Variants in ACTR10 observed in about 807,000 individuals in gnomAD.
ACTR10 encodes the protein actin-related protein 10.
ACTR10 carries 43 observed loss-of-function variants against 56.2 expected under a neutral mutation model. That is an observed-to-expected ratio of 0.77 (90% CI 0.60 to 0.99). ACTR10 has a LOEUF of 0.99. Ranked by LOEUF, ACTR10 falls within the 50% of genes least tolerant of loss-of-function variation. The pLI, the probability that ACTR10 is intolerant of heterozygous loss-of-function variation, is 0.00. For synonymous variants in ACTR10, 170 were observed against 176.3 expected, an observed-to-expected ratio of 0.96 and a Z score of 0.28; for missense variants, 466 against 507.8, an observed-to-expected ratio of 0.92 and a Z score of 0.79.
At position 58,230,404 on chromosome 14, in the gene ACTR10, C is replaced by G; in HGVS notation, c.794C>G (p.Ser265Ter). 1 of 1,576,436 alleles carries G rather than the reference C, an allele frequency of 6.3e-7. No homozygotes were observed. The highest frequency in any genetic ancestry group is 8.6e-7 in the Non-Finnish European group (1 of 1,161,506). ...ILHILGSIRD[S>*]VVEILFEQDN... is the part of the protein sequence containing the mutation. ...TCTTTTTCAAATCCCATTAGAGATT[C>G]AGTTGTGGAAATTCTTTTTGAACAA... The change falls in exon 11 of 13, where the codon TCA (serine) becomes TGA (stop). Residue 265 changes from serine to a stop codon, truncating the protein, a stop_gained. Coordinates refer to ENST00000254286, the MANE Select transcript of ACTR10 (RefSeq NM_018477.3). LOFTEE classifies it high-confidence loss of function.
rs527714860 is a variant in ACTR10, at chr14:58,234,818, C to CTTTT, written c.*285_*288dup. 8.2e-5 allele frequency: 8 copies of CTTTT among 97,466 alleles called. No homozygotes were observed. Among genetic ancestry groups the CTTTT allele is most frequent in the East Asian group, 2.5e-4 (1 of 3,950 alleles). The allele number at this position is 97,466 out of a possible 1,614,324, so 6.0% of individuals were successfully genotyped here. On this transcript the variant is annotated 3_prime_UTR_variant, in exon 13 of 13. Coordinates refer to ENST00000254286, the MANE Select transcript of ACTR10 (RefSeq NM_018477.3). ...TTGATTTTGGAAGTTTGTTATGTGG[C>CTTTT]TTTTTTTTTTTTTTTTTTTTTGAGA... is the stretch of plus-strand genomic sequence containing the variant.
At position 58,202,993 on chromosome 14, in the gene ACTR10, A is replaced by G; in HGVS notation, c.150+66A>G. 2.6e-6 allele frequency: 3 copies of G among 1,149,360 alleles called. No homozygotes were observed. In the Admixed American group the frequency reaches 5.9e-5, roughly 23 times the overall value. 71.2% of individuals were successfully genotyped at this position (1,149,360 alleles called of 1,614,324 possible). A position where few individuals can be genotyped will look rare whatever the true frequency, so the allele number is the denominator to read the frequency against. On this transcript the variant is annotated intron_variant, in intron 2 of 12. Coordinates refer to ENST00000254286, the MANE Select transcript of ACTR10 (RefSeq NM_018477.3). ...TAAAATGTTTTAAAATATGACTTCA[A>G]GTAAGATTGATTAAAACAGTACTAA...
chr14:58,230,105 C>T (rs187065125), intron 10 of ACTR10, among the ~76,000 whole-genome samples: 9,732 of 152,034 alleles, frequency 0.064, 514 homozygotes, highest in East Asian at 0.23. Flanking sequence ...TAATTGGACA[C>T]AAAATAAATG....
intron 11 of ACTR10, 33 bp downstream of exon 11, chr14:58,230,513 A>G (rs751421397): frequency 1.8e-6 from 2 of 1,133,484 alleles, no homozygotes; most frequent in Non-Finnish European, 2.5e-6. Context: ...TCCCTTTATT[A>G]CCACAGTCCT....
At chr14:58,203,742 T>G (rs1888786026) in intron 2 of ACTR10, among the ~76,000 whole-genome samples, 1 of 152,184 alleles carries the variant, frequency 6.6e-6, no homozygotes, top group Non-Finnish European at 1.5e-5. Context: ...AAACAAACTT[T>G]CAAAAAGTTT....
chr14:58,221,924 CAAAA>C lies in ACTR10; in HGVS notation c.635-1693_635-1690del, dbSNP rs201058422. ...GTCAGTCTCGACTCCATCTCAAAAACAAAAAAAAGATCTCAAGGCTAGGTATTTA... is the reference window on the plus strand; with the variant it reads ...GTCAGTCTCGACTCCATCTCAAAAACAAAAGATCTCAAGGCTAGGTATTTA... On this transcript the variant is annotated intron_variant, in intron 8 of 12. Coordinates refer to ENST00000254286, the MANE Select transcript of ACTR10 (RefSeq NM_018477.3). 9.3e-5 allele frequency among the ~76,000 whole-genome samples: 14 copies of C among 151,010 alleles called. No homozygotes were observed. In the East Asian group the frequency reaches 1.4e-3, roughly 15 times the overall value.
At chr14:58,215,362 A>G (rs1210181183) in intron 7 of ACTR10, 78 bp downstream of exon 7, 2 of 869,528 alleles carry the variant, frequency 2.3e-6, no homozygotes, top group Non-Finnish European at 1.8e-6. Flanking sequence ...TCTTTGCTCC[A>G]TTGCATGATT....
chr14:58,231,181 T>C (rs908152897), intron 11 of ACTR10: 1 of 215,556 alleles, frequency 4.6e-6, no homozygotes, highest in Non-Finnish European at 1.0e-5. Flanking sequence ...GCTTCCCGAG[T>C]AGCTGGGATT....
intron 2 of ACTR10, 39 bp downstream of exon 2, chr14:58,202,966 T>C: frequency 7.6e-7 from 1 of 1,321,478 alleles, no homozygotes; most frequent in African/African-American, 1.5e-5. Flanking sequence ...AATGCCATAC[T>C]ATAAAATGTT....
chr14:58,217,803 TGTTTAGAACTTA>T (rs1889170215), intron 7 of ACTR10, among the ~76,000 whole-genome samples: 1 of 152,224 alleles, frequency 6.6e-6, no homozygotes, highest in East Asian at 1.9e-4. Context: ...TTTCATTTAG[TGTTTAGAACTTA>T]GTTTAAAAAA....
intron 10 of ACTR10, among the ~76,000 whole-genome samples, chr14:58,227,403 T>C (rs1270144002): frequency 2.0e-5 from 3 of 152,246 alleles, no homozygotes; most frequent in African/African-American, 7.2e-5. Flanking sequence ...TATTTTCTTC[T>C]AGACTTTTAC....
intron 2 of ACTR10, among the ~76,000 whole-genome samples, chr14:58,205,470 A>T (rs1341270796): frequency 6.6e-6 from 1 of 151,110 alleles, no homozygotes; most frequent in African/African-American, 2.4e-5. Flanking sequence ...GCCCGCCGCC[A>T]CGCCCAGCTA....
Position 58,223,746 on chromosome 14 carries a change from C to CTG in ACTR10, c.715-37_715-36insTG, listed in dbSNP as rs1265103165. On this transcript the variant is annotated intron_variant, in intron 9 of 12. Transcript: ENST00000254286. ...AGGCATCTTTTTGCAAAGGTTACAA[C>CTG]ATGTGTGGACTTATGTTTATGATAT... is the stretch of plus-strand genomic sequence containing the variant. The CTG allele has an allele frequency of 1.9e-6, 3 of 1,605,240 alleles. No homozygotes were observed. In the African/African-American group the frequency reaches 4.0e-5, roughly 22 times the overall value.
intron 4 of ACTR10, among the ~76,000 whole-genome samples, chr14:58,210,916 C>T (rs955380658): frequency 6.6e-6 from 1 of 152,152 alleles, no homozygotes; most frequent in Non-Finnish European, 1.5e-5. Context: ...CTCGGGTGAT[C>T]CGCCCGCCTC....
intron 11 of ACTR10, chr14:58,231,145 C>A (rs370921648): frequency 3.6e-6 from 1 of 279,338 alleles, no homozygotes; most frequent in Non-Finnish European, 7.9e-6. Flanking sequence ...CCTCCGCCCC[C>A]GGGTTCAAGT....
At chr14:58,215,463 T>G (rs1889111632) in intron 7 of ACTR10, among the ~76,000 whole-genome samples, 179 bp downstream of exon 7, 1 of 152,170 alleles carries the variant, frequency 6.6e-6, no homozygotes, top group Non-Finnish European at 1.5e-5. Context: ...ATAGTTTGAT[T>G]TTAGTCATCC....
intron 7 of ACTR10, among the ~76,000 whole-genome samples, chr14:58,218,131 C>T (rs995903416): frequency 1.3e-5 from 2 of 152,184 alleles, no homozygotes; most frequent in African/African-American, 4.8e-5. Context: ...AACAGTTTCT[C>T]ATATTACCAA....
At position 58,223,721 on chromosome 14, in the gene ACTR10, A is replaced by G. The variant is rs775315657; in HGVS notation, c.714+20A>G. 8.9e-6 allele frequency: 14 copies of G among 1,571,304 alleles called. No homozygotes were observed. In the East Asian group the frequency reaches 1.3e-4, roughly 15 times the overall value. On this transcript the variant is annotated intron_variant, in intron 9 of 12. Transcript: ENST00000254286. ...AATGAGGTAAGTTTAAAAAAAAAAA[A>G]GGCATCTTTTTGCAAAGGTTACAAC...
intron 10 of ACTR10, among the ~76,000 whole-genome samples, chr14:58,226,223 A>G (rs185815065): frequency 1.9e-3 from 283 of 152,192 alleles, no homozygotes; most frequent in Non-Finnish European, 3.3e-3. Context: ...CTATGATTGT[A>G]CCACTGTACT....
Sources: gnomAD v4.1 joint callset for allele counts (sites outside exome capture counted in the v4.1 genomes callset) on GRCh38, gnomAD v4.1.1 for gene constraint, MANE v1.5 for transcripts, NCBI Gene and HGNC (gene_info 2026-07-23, HGNC 2026-07-21) for gene names.